The following PRSS54 variants were observed in gnomAD, a reference collection of about 807,000 sequenced individuals.
The protein encoded by PRSS54 is inactive serine protease 54.
Under a neutral mutation model 19.9 loss-of-function variants are expected in PRSS54, and 16 were observed. That is an observed-to-expected ratio of 0.80 (90% CI 0.54 to 1.22). PRSS54 has a LOEUF of 1.22. Ranked by LOEUF, PRSS54 falls within the 50% of genes most tolerant of loss-of-function variation. The pLI is 0.00. For missense variants in PRSS54, 444 were observed against 494.8 expected (o/e 0.90, Z 0.97); for synonymous variants, 177 against 195.8 (o/e 0.90, Z 0.80).
rs1050198047 is a variant in PRSS54, at chr16:58,280,378, C to A, written c.1034G>T (p.Arg345Met). ...VREKDVKESG[R>M]SPEASVQPLY... ...GGGTTGTACAGACGCCTCAGGAGAC[C>A]TGCCTGATTCCTTTACATCCTTCTC... is the stretch of plus-strand genomic sequence containing the variant. Residue 345 changes from arginine (R) to methionine (M), a missense_variant, in exon 7 of 7, where the codon AGG (arginine) becomes ATG (methionine). Arg to Met is a moderately conservative substitution (Grantham distance 91). Transcript: ENST00000567164. The A allele has an allele frequency of 6.2e-6, 10 of 1,614,156 alleles. No individual in the cohort carries two copies. Among genetic ancestry groups the A allele is most frequent in the Middle Eastern group, 1.6e-4 (1 of 6,062 alleles).
In PRSS54 at chr16:58,291,148, G is replaced by T. The variant is rs776407884; in HGVS notation, c.86-12C>A. On this transcript the variant is annotated splice_polypyrimidine_tract_variant and intron_variant, in intron 3 of 6. Transcript: ENST00000567164. Reference sequence around the variant, plus strand: ...CTGGACGCCACAACCTGCGGAGCAGGTGCGGGGCCTCACTGCCGGGGCAAG... The same window carrying T: ...CTGGACGCCACAACCTGCGGAGCAGTTGCGGGGCCTCACTGCCGGGGCAAG... The T allele has an allele frequency of 6.2e-7, 1 of 1,612,304 alleles. No individual in the cohort carries two copies. The highest frequency in any genetic ancestry group is 8.5e-7 in the Non-Finnish European group (1 of 1,179,466).
intron 3 of PRSS54, among the ~76,000 whole-genome samples, chr16:58,292,753 C>T (rs1965063253): frequency 6.6e-6 from 1 of 152,234 alleles, no homozygotes; most frequent in Admixed American, 6.5e-5. Context: ...ATTTGCCAAC[C>T]TTCCCTAACC....
At chr16:58,284,813 G>A in intron 5 of PRSS54, 92 bp from the exon 6 acceptor site, 1 of 1,367,660 alleles carries the variant, frequency 7.3e-7, no homozygotes, top group Non-Finnish European at 9.8e-7. Flanking sequence ...AAACGAGAGT[G>A]AGAATTTTTT....
chr16:58,284,276 CTG>C (rs1454171591), intron 6 of PRSS54: 1 of 296,612 alleles, frequency 3.4e-6, no homozygotes, highest in African/African-American at 2.1e-5. Context: ...CAGCCCCACA[CTG>C]TAGACCTGCT....
intron 4 of PRSS54, among the ~76,000 whole-genome samples, chr16:58,288,403 G>C (rs866810558): frequency 1.3e-4 from 19 of 151,784 alleles, no homozygotes; most frequent in African/African-American, 4.1e-4. Context: ...TGCAGCCTAG[G>C]CAACAGAGCA....
chr16:58,285,743 A>AT (rs1265672345), intron 5 of PRSS54, among the ~76,000 whole-genome samples, 194 bp downstream of exon 5: 1 of 145,400 alleles, frequency 6.9e-6, no homozygotes, highest in Non-Finnish European at 1.5e-5. Flanking sequence ...AAAAAAAAAA[A>AT]AAAGAAGAAG....
Position 58,290,888 on chromosome 16 carries a change from G to A in PRSS54, c.263+71C>T, listed in dbSNP as rs1034672141. 46 of 1,543,372 alleles carry A rather than the reference G, an allele frequency of 3.0e-5. No individual in the cohort carries two copies. The African/African-American group carries it at 5.2e-4, about 17-fold the overall frequency. ...GCACCTTTCAGGGCCTCCCCAGGCT[G>A]AGCAGGAAACAGGGTCGCCCCCACC... On this transcript the variant is annotated intron_variant, in intron 4 of 6. Coordinates refer to ENST00000567164, the MANE Select transcript of PRSS54 (RefSeq NM_001305173.2).
intron 3 of PRSS54, 185 bp downstream of exon 3, chr16:58,293,547 C>T (rs1185075138): frequency 6.1e-6 from 6 of 985,310 alleles, no homozygotes; most frequent in African/African-American, 1.7e-5. Flanking sequence ...TTCCTCCATC[C>T]ACGTCCCATG....
intron 1 of PRSS54, among the ~76,000 whole-genome samples, chr16:58,294,500 G>A (rs577959542): frequency 2.0e-5 from 3 of 152,176 alleles, no homozygotes; most frequent in East Asian, 1.9e-4. Context: ...ACAGATGTGC[G>A]CCACCACGCC....
rs1298800520 is a variant in PRSS54, at chr16:58,280,218, C to G, written c.*6G>C. 2.5e-6 allele frequency: 4 copies of G among 1,601,692 alleles called. No homozygotes were observed. In the African/African-American group the frequency reaches 4.0e-5, roughly 16 times the overall value. On this transcript the variant is annotated 3_prime_UTR_variant, in exon 7 of 7. Transcript: ENST00000567164. ...TACTCTTCAGTTTGGTGGGGTAGCT[C>G]CTGGACTAGATACTGCTGCAAAAGA... is the stretch of plus-strand genomic sequence containing the variant.
chr16:58,290,093 A>ATATATACC (rs1965005427), intron 4 of PRSS54, among the ~76,000 whole-genome samples: 1 of 149,324 alleles, frequency 6.7e-6, no homozygotes, highest in African/African-American at 2.4e-5. Flanking sequence ...ACATATATAC[A>ATATATACC]TATATTACAA....
rs984797010 is a variant in PRSS54, at chr16:58,294,190, A to T, written c.-212T>A. ...ACTCGTGGAATTCAACCCTTGCCTT[A>T]ACTCTGTAGCCATAAAATGCTGCTG... is the stretch of plus-strand genomic sequence containing the variant. On this transcript the variant is annotated 5_prime_UTR_variant, in exon 2 of 7. The change abolishes the stop of an existing upstream ORF in the 5' untranslated region. Coordinates refer to ENST00000567164, the MANE Select transcript of PRSS54 (RefSeq NM_001305173.2). The T allele has an allele frequency of 4.2e-6, 1 of 237,012 alleles. No individual in the cohort carries two copies. Among genetic ancestry groups the T allele is most frequent in the African/African-American group, 2.2e-5 (1 of 45,630 alleles). 14.7% of individuals were successfully genotyped at this position (237,012 alleles called of 1,614,324 possible).
At chr16:58,289,178 G>A (rs1314234989) in intron 4 of PRSS54, among the ~76,000 whole-genome samples, 2 of 152,230 alleles carry the variant, frequency 1.3e-5, no homozygotes, top group Admixed American at 6.5e-5. Context: ...GGCCATGTGA[G>A]GACACAGTGA....
intron 3 of PRSS54, 42 bp from the exon 4 acceptor site, chr16:58,291,178 C>T (rs781735605): frequency 6.3e-7 from 1 of 1,580,522 alleles, no homozygotes. Flanking sequence ...GGCAAGGAGA[C>T]CTCAGGACCC....
intron 5 of PRSS54, 152 bp downstream of exon 5, chr16:58,285,785 A>T: frequency 3.0e-6 from 2 of 675,922 alleles, no homozygotes; most frequent in East Asian, 5.9e-5. Context: ...AAGCCCTGGG[A>T]GTCTTGACTG....
In PRSS54 at chr16:58,290,952, C is replaced by T. The variant is rs1164541382; in HGVS notation, c.263+7G>A. ...ATGTTGCGGGCCCCAAAGGCAGGGG[C>T]ACTGGCCTGTTCTGAATGGCGGATG... On this transcript the variant is annotated splice_region_variant and intron_variant, in intron 4 of 6. Transcript: ENST00000567164. 1.2e-6 allele frequency: 2 copies of T among 1,613,970 alleles called. No individual in the cohort carries two copies. The highest frequency in any genetic ancestry group is 1.7e-4 in the Middle Eastern group (1 of 6,060).
chr16:58,285,517 G>C (rs568717371), intron 5 of PRSS54, among the ~76,000 whole-genome samples: 2 of 152,246 alleles, frequency 1.3e-5, no homozygotes, highest in East Asian at 3.9e-4. Context: ...TGGGAGGCTT[G>C]CTTGAGCCCA....
chr16:58,289,697 G>C (rs60389291), intron 4 of PRSS54, among the ~76,000 whole-genome samples: 1 of 151,634 alleles, frequency 6.6e-6, no homozygotes, highest in Non-Finnish European at 1.5e-5. Flanking sequence ...TCGGCCTTCC[G>C]AGTAGCTGTG....
In PRSS54 at chr16:58,280,067, G is replaced by C; in HGVS notation, c.*157C>G. 1.4e-6 allele frequency: 1 copy of C among 717,606 alleles called. No individual in the cohort carries two copies. The highest frequency in any genetic ancestry group is 2.7e-5 in the East Asian group (1 of 37,126). The allele number at this position is 717,606 out of a possible 1,614,324, so 44.5% of individuals were successfully genotyped here. On this transcript the variant is annotated 3_prime_UTR_variant, in exon 7 of 7. Coordinates refer to ENST00000567164, the MANE Select transcript of PRSS54 (RefSeq NM_001305173.2). ...AAGTGACCTTCCCACACCTGGGAGA[G>C]GGATAGAGGAGGGAGAGCCAGCCCA...
Sources: gnomAD v4.1 joint callset for allele counts (sites outside exome capture counted in the v4.1 genomes callset) on GRCh38, gnomAD v4.1.1 for gene constraint, MANE v1.5 for transcripts, NCBI Gene and HGNC (gene_info 2026-07-23, HGNC 2026-07-21) for gene names.